The following ATP8B4 variants were observed in gnomAD, a reference collection of about 807,000 sequenced individuals.
ATP8B4 encodes the protein ATPase phospholipid transporting 8B4 (putative).
A neutral mutation model predicts 145.6 loss-of-function variants in ATP8B4; 133 were observed. The ratio of observed to expected loss-of-function variants is 0.91; its 90% CI spans 0.79 to 1.05. The LOEUF is 1.05. Ranked by LOEUF, ATP8B4 falls within the 50% of genes least tolerant of loss-of-function variation. ATP8B4 has a pLI of 0.00. For synonymous variants in ATP8B4, 507 were observed against 492.9 expected (o/e 1.03, Z -0.38); for missense variants, 1,458 against 1,425.2 (o/e 1.02, Z -0.37).
chr15:50,069,611 A>G (rs940460692), intron 3 of ATP8B4, among the ~76,000 whole-genome samples: 4 of 152,236 alleles, frequency 2.6e-5, no homozygotes, highest in African/African-American at 7.2e-5. Flanking sequence ...TCTTTAGAAT[A>G]TAAGAACTTT....
At chr15:49,929,080 T>C (rs2041006814) in intron 16 of ATP8B4, among the ~76,000 whole-genome samples, 2 of 152,082 alleles carry the variant, frequency 1.3e-5, no homozygotes, top group South Asian at 4.1e-4. Flanking sequence ...CAAGCCCTCC[T>C]GGTGACGCTG....
intron 1 of ATP8B4, among the ~76,000 whole-genome samples, chr15:50,173,148 G>A (rs1482148764): frequency 1.2e-4 from 18 of 150,216 alleles, no homozygotes; most frequent in African/African-American, 3.9e-4. Flanking sequence ...GCCCCGTCTG[G>A]GAAGTGAGGA....
chr15:49,953,753 G>A (rs2153496072), intron 14 of ATP8B4, among the ~76,000 whole-genome samples: 1 of 152,356 alleles, frequency 6.6e-6, no homozygotes. Flanking sequence ...GTTCAGCAGG[G>A]CTTAAGCAGA....
intron 27 of ATP8B4, 110 bp downstream of exon 27, chr15:49,862,135 G>T (rs2031938844): frequency 7.3e-7 from 1 of 1,363,906 alleles, no homozygotes; most frequent in East Asian, 2.4e-5. Context: ...GTAGGTGTTT[G>T]CTTGTGACAA....
chr15:50,155,843 G>T (rs978256248), intron 1 of ATP8B4, among the ~76,000 whole-genome samples: 1 of 151,672 alleles, frequency 6.6e-6, no homozygotes, highest in Non-Finnish European at 1.5e-5. Flanking sequence ...GACAAAATGA[G>T]AGCTGTTCAC....
At chr15:50,136,853 G>A (rs1004002096) in intron 1 of ATP8B4, among the ~76,000 whole-genome samples, 4 of 152,100 alleles carry the variant, frequency 2.6e-5, no homozygotes, top group African/African-American at 7.2e-5. Flanking sequence ...GATAGTAATG[G>A]TACTACCTCA....
chr15:50,158,644 C>T (rs966657633), intron 1 of ATP8B4, among the ~76,000 whole-genome samples: 230 of 152,240 alleles, frequency 1.5e-3, no homozygotes, highest in Non-Finnish European at 2.7e-3. Context: ...ATGACAATGG[C>T]GGTTTTGTGG....
chr15:49,869,371 T>C (rs1277329577), intron 25 of ATP8B4, among the ~76,000 whole-genome samples: 1 of 152,006 alleles, frequency 6.6e-6, no homozygotes, highest in Non-Finnish European at 1.5e-5. Context: ...AACATTCTTA[T>C]CAAGGAAGAC....
chr15:49,923,541 C>A (rs766218965), intron 16 of ATP8B4, 47 bp from the exon 17 acceptor site: 83 of 1,320,348 alleles, frequency 6.3e-5, no homozygotes, highest in Non-Finnish European at 8.4e-5. Flanking sequence ...CAACGTCATA[C>A]ATCAAAATTA....
chr15:49,979,756 C>G lies in ATP8B4; in HGVS notation c.895G>C (p.Glu299Gln). ...CTGAATTGGTCCCCAGTTTGACTCT[C>G]CCAGATTGAATTTCCTATTGCAAGA... ...IILAIGNSIWESQTGDQFRTF... is the reference protein window; with the variant it reads ...IILAIGNSIWQSQTGDQFRTF... Residue 299 changes from glutamate (E) to glutamine (Q), a missense_variant, in exon 12 of 28, where the codon GAG becomes CAG. Physicochemically the swap from Glu to Gln is conservative, Grantham distance 29. Coordinates refer to ENST00000284509, the MANE Select transcript of ATP8B4 (RefSeq NM_024837.4). The G allele has an allele frequency of 1.2e-6, 2 of 1,609,858 alleles. No individual in the cohort carries two copies. The highest frequency in any genetic ancestry group is 1.7e-6 in the Non-Finnish European group (2 of 1,177,304).
chr15:50,100,289 C>A (rs183683464), intron 2 of ATP8B4, among the ~76,000 whole-genome samples: 2 of 152,236 alleles, frequency 1.3e-5, no homozygotes, highest in African/African-American at 2.4e-5. Flanking sequence ...TGATTTTTCC[C>A]TCTGACAACT....
At chr15:50,060,007 C>A (rs2052892996) in intron 3 of ATP8B4, among the ~76,000 whole-genome samples, 1 of 152,168 alleles carries the variant, frequency 6.6e-6, no homozygotes, top group Admixed American at 6.5e-5. Flanking sequence ...CCACAATTGT[C>A]ATTTCCAGTA....
intron 1 of ATP8B4, among the ~76,000 whole-genome samples, chr15:50,169,495 G>C (rs2044641024): frequency 6.6e-6 from 1 of 152,186 alleles, no homozygotes; most frequent in Non-Finnish European, 1.5e-5. Flanking sequence ...ACTATATCAA[G>C]GGAACACCCT....
At chr15:50,173,126 C>G (rs983617705) in intron 1 of ATP8B4, among the ~76,000 whole-genome samples, 2 of 151,314 alleles carry the variant, frequency 1.3e-5, no homozygotes, top group Non-Finnish European at 3.0e-5. Context: ...TGGGGGGCGC[C>G]TCTGCCCGGC....
intron 19 of ATP8B4, chr15:49,917,289 T>C: frequency 2.4e-6 from 1 of 415,594 alleles, no homozygotes. Context: ...AGCCTTCTCA[T>C]CTAGTTTTCA....
intron 23 of ATP8B4, among the ~76,000 whole-genome samples, chr15:49,894,037 G>A (rs371966153): frequency 3.9e-5 from 6 of 152,240 alleles, no homozygotes; most frequent in African/African-American, 1.4e-4. Flanking sequence ...TACTGTCACT[G>A]ACTGGCTGTC....
chr15:50,024,842 T>C (rs539712901), intron 6 of ATP8B4, among the ~76,000 whole-genome samples: 3 of 152,310 alleles, frequency 2.0e-5, no homozygotes, highest in African/African-American at 7.2e-5. Flanking sequence ...GTCCCATACA[T>C]GTTAATTTCC....
At chr15:49,932,472 C>T (rs1413004255) in intron 15 of ATP8B4, among the ~76,000 whole-genome samples, 1 of 151,890 alleles carries the variant, frequency 6.6e-6, no homozygotes, top group Admixed American at 6.6e-5. Context: ...CTTGATCTAC[C>T]CACGAAATAA....
intron 25 of ATP8B4, among the ~76,000 whole-genome samples, chr15:49,873,368 G>T (rs1403893327): frequency 1.3e-5 from 2 of 152,264 alleles, no homozygotes; most frequent in East Asian, 3.9e-4. Context: ...ATTTGCCATA[G>T]TGAAATGTAG....
Sources: gnomAD v4.1 joint callset for allele counts (sites outside exome capture counted in the v4.1 genomes callset) on GRCh38, gnomAD v4.1.1 for gene constraint, MANE v1.5 for transcripts, NCBI Gene and HGNC (gene_info 2026-07-23, HGNC 2026-07-21) for gene names.